The following PAWR variants were observed in gnomAD, a reference collection of about 807,000 sequenced individuals.
PAWR encodes pro-apoptotic WT1 regulator, also known as PRKC apoptosis WT1 regulator protein.
In PAWR, 23 loss-of-function variants were observed where a neutral mutation model predicts 32.0. That is an observed-to-expected ratio of 0.72 (90% CI 0.52 to 1.02). PAWR has a LOEUF of 1.02. Ranked by LOEUF, PAWR falls within the 50% of genes least tolerant of loss-of-function variation. The probability of loss-of-function intolerance (pLI) is 0.00; values close to 1 mark genes in which losing one functional copy is unlikely to be tolerated. For synonymous variants in PAWR, 226 were observed against 187.1 expected (o/e 1.21, Z -1.70); for missense variants, 457 against 437.7 (o/e 1.04, Z -0.39).
intron 2 of PAWR, among the ~76,000 whole-genome samples, chr12:79,649,454 T>C (rs895307538): frequency 8.5e-5 from 13 of 152,140 alleles, no homozygotes; most frequent in South Asian, 2.1e-4. Flanking sequence ...TATTATAGCA[T>C]TGTCATATTA....
chr12:79,639,962 T>G (rs1375816238), intron 2 of PAWR, among the ~76,000 whole-genome samples: 1 of 150,766 alleles, frequency 6.6e-6, no homozygotes, highest in Non-Finnish European at 1.5e-5. Context: ...TGGAGTGCAG[T>G]GGCATGATCT....
chr12:79,679,059 G>A (rs1036943371), intron 2 of PAWR, among the ~76,000 whole-genome samples: 25 of 151,958 alleles, frequency 1.6e-4, no homozygotes, highest in Admixed American at 6.5e-4. Flanking sequence ...CACTGTGCCC[G>A]GCCCATGGCC....
Position 79,682,889 on chromosome 12 carries a change from A to G in PAWR, c.516+6840T>C, listed in dbSNP as rs1878509712. ...TGTAATCAATGGGAAAAATGTTTGC[A>G]CTTGATAGTAGTTTGATAAGATGGC... On this transcript the variant is annotated intron_variant, in intron 2 of 6. Coordinates refer to ENST00000328827, the MANE Select transcript of PAWR (RefSeq NM_002583.4). 1.3e-5 allele frequency among the ~76,000 whole-genome samples: 2 copies of G among 152,250 alleles called. 1 individual carries two copies. The highest frequency in any genetic ancestry group is 4.1e-4 in the South Asian group (2 of 4,836).
chr12:79,668,764 C>G (rs1451532940), intron 2 of PAWR, among the ~76,000 whole-genome samples: 3 of 152,204 alleles, frequency 2.0e-5, no homozygotes, highest in African/African-American at 7.2e-5. Flanking sequence ...CGCTTGCCCA[C>G]TGCTCACCTC....
At chr12:79,606,717 C>T (rs1874199977) in intron 4 of PAWR, among the ~76,000 whole-genome samples, 1 of 152,060 alleles carries the variant, frequency 6.6e-6, no homozygotes, top group African/African-American at 2.4e-5. Context: ...TATTTCCTAC[C>T]CATGCTAGGC....
Position 79,690,030 on chromosome 12 carries a change from T to C in PAWR, c.215A>G (p.Asn72Ser). The part of the protein sequence containing the change: ...AAAAANELNN[N>S]LPGGAPAAPA... ...TGCGGCCGGCGCGCCGCCCGGGAGG[T>C]TGTTGTTGAGCTCGTTGGCAGCGGC... The change falls in exon 2 of 7, where the codon AAC becomes AGC. Residue 72 changes from asparagine to serine, a missense_variant. Transcript: ENST00000328827. 7.6e-7 allele frequency: 1 copy of C among 1,313,902 alleles called. No homozygotes were observed. The allele number at this position is 1,313,902 out of a possible 1,614,324, so 81.4% of individuals were successfully genotyped here.
chr12:79,656,361 G>C (rs544754354), intron 2 of PAWR, among the ~76,000 whole-genome samples: 1 of 152,316 alleles, frequency 6.6e-6, no homozygotes, highest in East Asian at 1.9e-4. Flanking sequence ...TGGTAGTAAT[G>C]AGAATGGGAG....
At chr12:79,621,332 A>G (rs544216966) in intron 2 of PAWR, 125 bp from the exon 3 acceptor site, 1 of 725,476 alleles carries the variant, frequency 1.4e-6, no homozygotes, top group East Asian at 2.9e-5. Flanking sequence ...GCATAATAAA[A>G]GTATTTTTCT....
chr12:79,686,355 CTTTTCACAT>C (rs1231992963), intron 2 of PAWR, among the ~76,000 whole-genome samples: 3 of 152,198 alleles, frequency 2.0e-5, no homozygotes, highest in African/African-American at 7.2e-5. Flanking sequence ...TACTACTCTA[CTTTTCACAT>C]TTCCTTATAT....
At chr12:79,603,129 T>A (rs1180033890) in intron 4 of PAWR, among the ~76,000 whole-genome samples, 9 of 151,048 alleles carry the variant, frequency 6.0e-5, no homozygotes, top group African/African-American at 2.2e-4. Flanking sequence ...GTTCCTGGAG[T>A]CCCAAGCACT....
intron 2 of PAWR, among the ~76,000 whole-genome samples, chr12:79,641,918 C>T (rs574538452): frequency 4.1e-5 from 6 of 145,860 alleles, no homozygotes; most frequent in South Asian, 4.5e-4. Context: ...AACTCCTTTC[C>T]TGATTGTTTT....
At chr12:79,642,959 A>G (rs1322999185) in intron 2 of PAWR, among the ~76,000 whole-genome samples, 3 of 152,196 alleles carry the variant, frequency 2.0e-5, no homozygotes, top group Non-Finnish European at 4.4e-5. Flanking sequence ...ACTAAAATTA[A>G]TTACTATAAT....
chr12:79,662,691 C>A (rs1381445570), intron 2 of PAWR, among the ~76,000 whole-genome samples: 1 of 152,154 alleles, frequency 6.6e-6, no homozygotes, highest in African/African-American at 2.4e-5. Flanking sequence ...AAGAAATGCA[C>A]AAAGGTTTAA....
At chr12:79,636,000 T>C (rs1875944013) in intron 2 of PAWR, among the ~76,000 whole-genome samples, 1 of 151,994 alleles carries the variant, frequency 6.6e-6, no homozygotes, top group Non-Finnish European at 1.5e-5. Flanking sequence ...AAGTCATAAA[T>C]ACAAAAAAAA....
At chr12:79,689,365 A>AT (rs1878848148) in intron 2 of PAWR, among the ~76,000 whole-genome samples, 1 of 152,178 alleles carries the variant, frequency 6.6e-6, no homozygotes, top group Non-Finnish European at 1.5e-5. Context: ...TGTCGTCACC[A>AT]TTAATCAATT....
At chr12:79,690,605 A>C (rs1878968892) in intron 1 of PAWR, 1 of 183,980 alleles carries the variant, frequency 5.4e-6, no homozygotes, top group African/African-American at 2.3e-5. Context: ...AGGAGAGAGG[A>C]CTGACCCCAC....
intron 4 of PAWR, among the ~76,000 whole-genome samples, chr12:79,600,488 G>T (rs143105541): frequency 6.6e-6 from 1 of 151,370 alleles, no homozygotes; most frequent in African/African-American, 2.4e-5. Context: ...GGGGGGGCGG[G>T]GGGAGATAGG....
At chr12:79,659,169 C>T (rs147886900) in intron 2 of PAWR, among the ~76,000 whole-genome samples, 1,632 of 151,768 alleles carry the variant, frequency 0.011, 32 homozygotes, top group African/African-American at 0.038. Flanking sequence ...TGGTGGCGGG[C>T]GCCTGTAGTC....
chr12:79,664,658 CG>C (rs10700018), intron 2 of PAWR, among the ~76,000 whole-genome samples: 4 of 128,234 alleles, frequency 3.1e-5, no homozygotes, highest in African/African-American at 3.9e-5. Flanking sequence ...GACTCTTTGG[CG>C]GGGGGGGGAG....
Sources: gnomAD v4.1 joint callset for allele counts (sites outside exome capture counted in the v4.1 genomes callset) on GRCh38, gnomAD v4.1.1 for gene constraint, MANE v1.5 for transcripts, NCBI Gene and HGNC (gene_info 2026-07-23, HGNC 2026-07-21) for gene names.